The following TBC1D19 variants were observed in gnomAD, a reference collection of about 807,000 sequenced individuals.
TBC1D19 encodes TBC1 domain family, member 19.
TBC1D19 carries 60 observed loss-of-function variants against 89.0 expected under a neutral mutation model. The observed-to-expected ratio is 0.67, with a 90% CI of 0.55 to 0.84. The LOEUF (loss-of-function observed/expected upper bound fraction) is 0.84. Among genes scored for constraint, TBC1D19 ranks in the 40% least tolerant of loss-of-function variants. TBC1D19 has a pLI of 0.00. For synonymous variants in TBC1D19, 189 were observed against 199.7 expected (o/e 0.95, Z 0.45); for missense variants, 500 against 610.8 (o/e 0.82, Z 1.91).
chr4:26,656,958 T>TTTCTCCTTCTTCTTCTTCTTCTTC (rs1744864419), intron 7 of TBC1D19, among the ~76,000 whole-genome samples: 1 of 47,798 alleles, frequency 2.1e-5, no homozygotes, highest in Non-Finnish European at 4.1e-5. Context: ...CCCTGCAATC[T>TTTCTCCTTCTTCTTCTTCTTCTTC]TTCTTCTTCT....
chr4:26,666,344 T>G lies in TBC1D19; in HGVS notation c.603T>G (p.Phe201Leu). The G allele has an allele frequency of 6.2e-7, 1 of 1,611,116 alleles. No individual in the cohort carries two copies. The highest frequency in any genetic ancestry group is 8.5e-7 in the Non-Finnish European group (1 of 1,178,248). Residue 201 changes from phenylalanine (F) to leucine (L), a missense_variant, in exon 9 of 21, where the codon TTT becomes TTG. Around this residue, in one of 2 missense-constraint regions of TBC1D19, gnomAD observed 280 missense variants for 291.7 expected, o/e 0.96. Coordinates refer to ENST00000264866, the MANE Select transcript of TBC1D19 (RefSeq NM_018317.4). Reference sequence around the variant, plus strand: ...ATGTTATTTTTCAGAAAGAATGCTTTGTGGAACTTGGCTTAAATATAGGAC... The same window carrying G: ...ATGTTATTTTTCAGAAAGAATGCTTGGTGGAACTTGGCTTAAATATAGGAC... ...VKDIPELKEC[F>L]VELGLNIGQL... is the part of the protein sequence containing the mutation.
intron 7 of TBC1D19, among the ~76,000 whole-genome samples, chr4:26,653,291 T>A (rs1159755640): frequency 1.3e-5 from 2 of 152,192 alleles, no homozygotes; most frequent in African/African-American, 4.8e-5. Flanking sequence ...CTTCCAACTA[T>A]GTGATCAATT....
At chr4:26,839,488 CTTTA>C in the TBC1D19 span, among the ~76,000 whole-genome samples, 1,777 of 152,018 alleles carry the variant, frequency 0.012, 34 homozygotes, top group African/African-American at 0.04. Context: ...TACTTTCCTT[CTTTA>C]TTTAGTTAAA....
At chr4:26,580,527 A>G (rs1739044292), upstream of TBC1D19, among the ~76,000 whole-genome samples, 1 of 152,240 alleles carries the variant, frequency 6.6e-6, no homozygotes, top group Admixed American at 6.5e-5. Context: ...ATCCAGTGAC[A>G]GGTAATTGAC....
chr4:26,712,734 T>G (rs2109248509), intron 13 of TBC1D19, among the ~76,000 whole-genome samples: 1 of 152,130 alleles, frequency 6.6e-6, no homozygotes, highest in East Asian at 1.9e-4. Flanking sequence ...CTTCAACTCA[T>G]GGCACAAAAT....
At chr4:26,818,288 C>T in the TBC1D19 span, among the ~76,000 whole-genome samples, 1 of 152,100 alleles carries the variant, frequency 6.6e-6, no homozygotes, top group Non-Finnish European at 1.5e-5. Flanking sequence ...AGTGCAGTGG[C>T]ACAATCAGTG....
At chr4:26,628,739 T>G (rs1228642418) in intron 4 of TBC1D19, among the ~76,000 whole-genome samples, 1 of 151,970 alleles carries the variant, frequency 6.6e-6, no homozygotes, top group East Asian at 1.9e-4. Flanking sequence ...AGCCAAATCA[T>G]GAGTGAACTC....
rs191534482 is a variant in TBC1D19, at chr4:26,592,361, G to A, written c.99+8069G>A. On this transcript the variant is annotated intron_variant, in intron 1 of 20. Coordinates refer to ENST00000264866, the MANE Select transcript of TBC1D19 (RefSeq NM_018317.4). ...CTCAAAAATAATAAGAGCTGTTTAC[G>A]ACAAACCCACAGCCAATATCATACT... Among the ~76,000 whole-genome samples the A allele has an allele frequency of 8.5e-3, 1,298 of 152,204 alleles. 14 individuals are homozygous for A. The highest frequency in any genetic ancestry group is 0.029 in the African/African-American group (1,194 of 41,508).
chr4:26,677,341 C>T lies in TBC1D19; in HGVS notation c.816+3453C>T, dbSNP rs138648440. ...ATAAATCCTTTTTTTTTTTTTGAGA[C>T]GAAGTCTCACTCTGTCGTCTAGGCT... On this transcript the variant is annotated intron_variant, in intron 11 of 20. Transcript: ENST00000264866. 4.7e-3 allele frequency among the ~76,000 whole-genome samples: 677 copies of T among 144,770 alleles called. 4 individuals are homozygous for T. Among genetic ancestry groups the T allele is most frequent in the African/African-American group, 0.016 (638 of 39,458 alleles). The allele number at this position is 144,770 out of a possible 152,430, so 95.0% of individuals were successfully genotyped here. A position where few individuals can be genotyped will look rare whatever the true frequency, so the allele number is the denominator to read the frequency against.
chr4:26,797,051 G>T, the TBC1D19 span, among the ~76,000 whole-genome samples: 1 of 152,062 alleles, frequency 6.6e-6, no homozygotes, highest in Admixed American at 6.6e-5. Flanking sequence ...GCAAGAGAAA[G>T]AAATAAAAGG....
At chr4:26,822,089 G>A in the TBC1D19 span, among the ~76,000 whole-genome samples, 1 of 152,236 alleles carries the variant, frequency 6.6e-6, no homozygotes, top group Non-Finnish European at 1.5e-5. Context: ...AAACTTGAAA[G>A]CTGTCCCTCA....
At chr4:26,805,725 G>T in the TBC1D19 span, among the ~76,000 whole-genome samples, 1 of 152,182 alleles carries the variant, frequency 6.6e-6, no homozygotes, top group African/African-American at 2.4e-5. Context: ...GCCGGGCACA[G>T]TGGCTCACAC....
intron 17 of TBC1D19, 24 bp from the exon 18 acceptor site, chr4:26,742,484 C>CT: frequency 6.5e-7 from 1 of 1,535,194 alleles, no homozygotes; most frequent in Non-Finnish European, 8.8e-7. Context: ...ATCTATTTCT[C>CT]TTATGATTCA....
chr4:26,781,771 G>C, the TBC1D19 span, among the ~76,000 whole-genome samples: 2 of 150,834 alleles, frequency 1.3e-5, no homozygotes, highest in Non-Finnish European at 2.9e-5. Context: ...CTTTTTAAGA[G>C]AGAGGAAGAA....
chr4:26,605,542 G>C (rs1740940052), intron 1 of TBC1D19, among the ~76,000 whole-genome samples: 1 of 152,078 alleles, frequency 6.6e-6, no homozygotes, highest in African/African-American at 2.4e-5. Context: ...ATAGCAGCAT[G>C]ATTTATAATC....
At chr4:26,814,079 C>T in the TBC1D19 span, among the ~76,000 whole-genome samples, 1 of 152,108 alleles carries the variant, frequency 6.6e-6, no homozygotes, top group Non-Finnish European at 1.5e-5. Context: ...GTTCTCGGTA[C>T]CCAGCCCACA....
downstream of TBC1D19, among the ~76,000 whole-genome samples, chr4:26,758,606 G>A (rs1265694863): frequency 6.6e-6 from 1 of 152,162 alleles, no homozygotes; most frequent in Non-Finnish European, 1.5e-5. Flanking sequence ...ATCTTTCAGG[G>A]AAGCTGGATA....
chr4:26,820,264 AC>A, the TBC1D19 span, among the ~76,000 whole-genome samples: 60,482 of 152,008 alleles, frequency 0.4, 12,224 homozygotes, highest in Admixed American at 0.46. Flanking sequence ...GATCACTAAA[AC>A]TTATTCTTGC....
chr4:26,607,405 AAAT>A (rs1003807730), intron 1 of TBC1D19, among the ~76,000 whole-genome samples: 25 of 152,186 alleles, frequency 1.6e-4, no homozygotes, highest in African/African-American at 5.3e-4. Context: ...CACAGCCTAA[AAAT>A]AACTGAAAAA....
Sources: gnomAD v4.1 joint callset for allele counts (sites outside exome capture counted in the v4.1 genomes callset) on GRCh38, gnomAD v4.1.1 for gene constraint, gnomAD v4.1.1 regional missense constraint, MANE v1.5 for transcripts, NCBI Gene and HGNC (gene_info 2026-07-23, HGNC 2026-07-21) for gene names.